The following DNAJC18 variants were observed in gnomAD, a reference collection of about 807,000 sequenced individuals.
DNAJC18 encodes the protein dnaJ homolog subfamily C member 18.
A neutral mutation model predicts 48.6 loss-of-function variants in DNAJC18; 40 were observed. The observed-to-expected ratio is 0.82, with a 90% confidence interval of 0.64 to 1.07. The LOEUF is 1.07. Among genes scored for constraint, DNAJC18 ranks in the 50% least tolerant of loss-of-function variants. The pLI is 0.00. For synonymous variants in DNAJC18, 135 were observed against 152.2 expected (o/e 0.89, Z 0.83); for missense variants, 340 against 427.7 (o/e 0.79, Z 1.81).
chr5:139,423,987 A>C (rs1156792368), intron 5 of DNAJC18, among the ~76,000 whole-genome samples: 1 of 152,170 alleles, frequency 6.6e-6, no homozygotes, highest in Non-Finnish European at 1.5e-5. Context: ...GTGGGGCTCT[A>C]GGAGCCAGGT....
Position 139,422,827 on chromosome 5 carries a change from A to G in DNAJC18, c.670-10T>C, listed in dbSNP as rs1267533839. On this transcript the variant is annotated splice_polypyrimidine_tract_variant and intron_variant, in intron 5 of 7. Coordinates refer to ENST00000302060, the MANE Select transcript of DNAJC18 (RefSeq NM_152686.4). ...ATGCAGAATATGTAGTCTGAAAAAG[A>G]AAAAAAAATAAAAACTTGCTGTAAG... The G allele has an allele frequency of 6.6e-7, 1 of 1,513,068 alleles. No homozygotes were observed. Among genetic ancestry groups the G allele is most frequent in the Non-Finnish European group, 8.9e-7 (1 of 1,119,232 alleles). 93.7% of individuals were successfully genotyped at this position (1,513,068 alleles called of 1,614,324 possible).
chr5:139,426,135 G>A (rs747174630), intron 4 of DNAJC18, 37 bp downstream of exon 4: 1 of 1,591,568 alleles, frequency 6.3e-7, no homozygotes, highest in South Asian at 1.1e-5. Flanking sequence ...CATAAATAAA[G>A]AAATATGTTT....
intron 4 of DNAJC18, 90 bp downstream of exon 4, chr5:139,426,082 T>C (rs1759238748): frequency 2.9e-6 from 4 of 1,371,830 alleles, no homozygotes; most frequent in East Asian, 2.3e-5. Flanking sequence ...CATCATACCA[T>C]TGTACCTCTA....
At chr5:139,416,966 T>TGG (rs1759078020) in intron 7 of DNAJC18, among the ~76,000 whole-genome samples, 1 of 152,160 alleles carries the variant, frequency 6.6e-6, no homozygotes, top group Admixed American at 6.6e-5. Context: ...GGTGGGCGGA[T>TGG]TACCTGAGGT....
chr5:139,418,654 A>G (rs1308097336), intron 7 of DNAJC18: 2 of 432,778 alleles, frequency 4.6e-6, no homozygotes, highest in East Asian at 1.4e-4. Context: ...AGAGAACATT[A>G]GGACTTTGCC....
chr5:139,424,717 C>CAA (rs70982777), intron 5 of DNAJC18, among the ~76,000 whole-genome samples: 514 of 23,144 alleles, frequency 0.022, 62 homozygotes, highest in African/African-American at 0.041. Flanking sequence ...GACCCTCTCT[C>CAA]AAAAAAAAAA....
chr5:139,426,276 A>G lies in DNAJC18; in HGVS notation c.455T>C (p.Phe152Ser), dbSNP rs1224024131. The stretch of plus-strand genomic sequence containing the variant: ...ATAAGGTCTGGCTCGAGGGGCAGTG[A>G]AAGTCACCTGTTCATCTCCGTATTC... The part of the protein sequence containing the change: ...YDEYGDEQVT[F>S]TAPRARPYNY... Residue 152 changes from phenylalanine (F) to serine (S), a missense_variant, in exon 4 of 8, where the codon TTC becomes TCC. By Grantham distance (155) the Phe-to-Ser change is radical. Transcript: ENST00000302060. 2.5e-6 allele frequency: 4 copies of G among 1,614,240 alleles called. No homozygotes were observed. The highest frequency in any genetic ancestry group is 3.4e-6 in the Non-Finnish European group (4 of 1,180,044).
chr5:139,436,346 C>T (rs1055137597), intron 2 of DNAJC18, among the ~76,000 whole-genome samples: 23 of 151,936 alleles, frequency 1.5e-4, no homozygotes, highest in African/African-American at 5.6e-4. Context: ...CTCAGCACCC[C>T]CAAAGCTCTG....
At chr5:139,426,110 G>T in intron 4 of DNAJC18, 62 bp downstream of exon 4, 1 of 1,527,260 alleles carries the variant, frequency 6.5e-7, no homozygotes, top group Non-Finnish European at 8.9e-7. Context: ...TTTCAAACAG[G>T]AGCTTGCTGA....
intron 7 of DNAJC18, among the ~76,000 whole-genome samples, chr5:139,417,018 G>T (rs554942923): frequency 6.6e-6 from 1 of 151,890 alleles, no homozygotes; most frequent in Admixed American, 6.6e-5. Flanking sequence ...TTGAAACCCC[G>T]TCTCTACTAA....
At chr5:139,418,732 T>C in intron 7 of DNAJC18, 2 of 456,316 alleles carry the variant, frequency 4.4e-6, no homozygotes, top group South Asian at 3.1e-5. Context: ...GCTGTTGTTA[T>C]TCACAATCCT....
At chr5:139,426,450 C>T (rs1034890552) in intron 3 of DNAJC18, 93 bp from the exon 4 acceptor site, 55 of 1,452,374 alleles carry the variant, frequency 3.8e-5, no homozygotes, top group African/African-American at 5.7e-5. Flanking sequence ...AGAGGTGACT[C>T]GTGCTGGACA....
Position 139,420,185 on chromosome 5 carries a change from G to A in DNAJC18, c.820C>T (p.Gln274Ter), listed in dbSNP as rs1188829564. The change falls in exon 7 of 8, where the codon CAG (glutamine) becomes TAG (stop). Residue 274 changes from glutamine (Q) to a stop codon, truncating the protein, a stop_gained. Coordinates refer to ENST00000302060, the MANE Select transcript of DNAJC18 (RefSeq NM_152686.4). LOFTEE classifies it high-confidence loss of function. ...YTISRETQNL[Q>*]VPYFVDKNFD... The stretch of plus-strand genomic sequence containing the variant: ...TTTTTATCCACAAAGTAAGGCACCT[G>A]CAGGTTCTGAGTTTCTCTAGAAATG... 6.2e-7 allele frequency: 1 copy of A among 1,611,664 alleles called. No individual in the cohort carries two copies. Among genetic ancestry groups the A allele is most frequent in the Non-Finnish European group, 8.5e-7 (1 of 1,179,360 alleles).
At chr5:139,417,625 G>A (rs1167316760) in intron 7 of DNAJC18, among the ~76,000 whole-genome samples, 2 of 144,824 alleles carry the variant, frequency 1.4e-5, no homozygotes, top group Admixed American at 1.4e-4. Context: ...CCAGGCTGAA[G>A]TGCAGTGGCA....
intron 7 of DNAJC18, among the ~76,000 whole-genome samples, chr5:139,417,498 T>C (rs549724553): frequency 6.6e-6 from 1 of 152,084 alleles, no homozygotes; most frequent in Non-Finnish European, 1.5e-5. Flanking sequence ...CAGAAATAGA[T>C]TTTTAAGGGG....
chr5:139,419,235 C>T (rs940713215), intron 7 of DNAJC18: 38 of 430,072 alleles, frequency 8.8e-5, no homozygotes, highest in Admixed American at 8.6e-4. Flanking sequence ...CAGTCACTAA[C>T]GCGGTATGTG....
At chr5:139,430,407 T>G (rs1759310294) in intron 2 of DNAJC18, among the ~76,000 whole-genome samples, 1 of 152,208 alleles carries the variant, frequency 6.6e-6, no homozygotes, top group South Asian at 2.1e-4. Flanking sequence ...GGAGTCAAAA[T>G]GCCTTGGTTT....
Position 139,420,094 on chromosome 5 carries a change from A to G in DNAJC18, c.911T>C (p.Ile304Thr). 1 of 1,604,218 alleles carries G rather than the reference A, an allele frequency of 6.2e-7. No homozygotes were observed. The highest frequency in any genetic ancestry group is 8.5e-7 in the Non-Finnish European group (1 of 1,177,256). The change falls in exon 7 of 8, where the codon ATT becomes ACT. Residue 304 changes from isoleucine (I) to threonine (T), a missense_variant. Ile to Thr is a moderately conservative substitution (Grantham distance 89, BLOSUM62 -1). Coordinates refer to ENST00000302060, the MANE Select transcript of DNAJC18 (RefSeq NM_152686.4). ...DLEKTIEKDY[I>T]DYIQTSCWKE... Reference sequence around the variant, plus strand: ...CCAACAACTAGTCTGGATATAATCAATGTAATCCTTCTCTATTGTTTTCTC... The same window carrying G: ...CCAACAACTAGTCTGGATATAATCAGTGTAATCCTTCTCTATTGTTTTCTC...
intron 7 of DNAJC18, among the ~76,000 whole-genome samples, chr5:139,417,870 G>A (rs1759093641): frequency 6.6e-6 from 1 of 152,076 alleles, no homozygotes; most frequent in Admixed American, 6.5e-5. Flanking sequence ...CACCACACCT[G>A]GCCACTCACT....
Sources: gnomAD v4.1 joint callset for allele counts (sites outside exome capture counted in the v4.1 genomes callset) on GRCh38, gnomAD v4.1.1 for gene constraint, MANE v1.5 for transcripts, NCBI Gene and HGNC (gene_info 2026-07-23, HGNC 2026-07-21) for gene names.